RNF126: variants seen among roughly 807,000 people sequenced by gnomAD.
RNF126 encodes the protein ring finger protein 126, also known as E3 ubiquitin-protein ligase RNF126.
A neutral mutation model predicts 41.9 loss-of-function variants in RNF126; 20 were observed. The ratio of observed to expected loss-of-function variants is 0.48; its 90% CI spans 0.34 to 0.69. RNF126 has a LOEUF of 0.69. Ranked by LOEUF, RNF126 falls within the 30% of genes least tolerant of loss-of-function variation. RNF126 has a pLI of 0.01. For missense variants in RNF126, 433 were observed against 460.6 expected (o/e 0.94, Z 0.55); for synonymous variants, 239 against 202.9 (o/e 1.18, Z -1.51).
At chr19:651,543 A>T in intron 4 of RNF126, 68 bp downstream of exon 4, 1 of 1,356,554 alleles carries the variant, frequency 7.4e-7, no homozygotes, top group South Asian at 1.7e-5. Flanking sequence ...CCCGTGCTGG[A>T]TTCTAAGCGC....
chr19:662,121 C>A (rs928777134), intron 1 of RNF126, among the ~76,000 whole-genome samples: 1 of 152,118 alleles, frequency 6.6e-6, no homozygotes, highest in African/African-American at 2.4e-5. Flanking sequence ...GAGTTCAAGA[C>A]CAGCCTGGGC....
Position 648,453 on chromosome 19 carries a change from G to A in RNF126, c.705C>T (p.Asp235=). The change falls in exon 8 of 9, where the codon GAC becomes GAT. Residue 235 remains aspartate (D), a synonymous_variant. Coordinates refer to ENST00000292363, the MANE Select transcript of RNF126 (RefSeq NM_194460.3). ...SGLECPVCKD[D]YALGERVRQL... The stretch of plus-strand genomic sequence containing the variant: ...GCCGCACACGCTCACCCAGCGCGTA[G>A]TCGTCCTTGCACACAGGGCACTCGA... 6.3e-7 allele frequency: 1 copy of A among 1,589,950 alleles called. No homozygotes were observed. The highest frequency in any genetic ancestry group is 8.5e-7 in the Non-Finnish European group (1 of 1,171,414).
rs185230177 is a variant in RNF126 at position 651,548 on chromosome 19, A to C, written c.443+63T>G. The C allele has an allele frequency of 3.4e-5, 47 of 1,362,838 alleles. No individual in the cohort carries two copies. In the South Asian group the frequency reaches 5.6e-4, roughly 16 times the overall value. 84.4% of individuals were successfully genotyped at this position (1,362,838 alleles called of 1,614,324 possible). A position where few individuals can be genotyped will look rare whatever the true frequency, so the allele number is the denominator to read the frequency against. ...TTCCGTGGAACCCGTGCTGGATTCT[A>C]AGCGCCAGAACTTCCGACCTCAAGG... is the stretch of plus-strand genomic sequence containing the variant. On this transcript the variant is annotated intron_variant, in intron 4 of 8. Transcript: ENST00000292363.
Position 651,625 on chromosome 19 carries a change from G to A in RNF126, c.429C>T (p.Val143=). The A allele has an allele frequency of 6.9e-7, 1 of 1,448,236 alleles. No individual in the cohort carries two copies. The allele number at this position is 1,448,236 out of a possible 1,614,324, so 89.7% of individuals were successfully genotyped here. ...GGCCCCCTCACCCTTCCAGCGTGGG[G>A]ACGCCTTCGTGCCGGCCGGTGGCCC... ...TRRATGRHEG[V]PTLEGIIQQL... The change falls in exon 4 of 9, where the codon GTC becomes GTT. Residue 143 remains valine, a synonymous_variant. Coordinates refer to ENST00000292363, the MANE Select transcript of RNF126 (RefSeq NM_194460.3).
intron 3 of RNF126, 59 bp downstream of exon 3, chr19:652,174 C>T (rs191650250): frequency 0.017 from 22,860 of 1,353,940 alleles, 228 homozygotes; most frequent in Non-Finnish European, 0.018. Flanking sequence ...GACAGGCTGG[C>T]GCTCGGGGCC....
At position 650,311 on chromosome 19, in the gene RNF126, G is replaced by A. The variant is rs533179088; in HGVS notation, c.444-15C>T. The A allele has an allele frequency of 2.6e-4, 405 of 1,570,310 alleles. 2 individuals carry two copies. The South Asian group carries it at 4.3e-3, about 17-fold the overall frequency. On this transcript the variant is annotated splice_polypyrimidine_tract_variant and intron_variant, in intron 4 of 8. Coordinates refer to ENST00000292363, the MANE Select transcript of RNF126 (RefSeq NM_194460.3). ...GCTGGATGATCCTGGAAAAGAGAGC[G>A]CCAGTCACGGGGTGAGGCCGCCCCA...
At position 659,465 on chromosome 19, in the gene RNF126, C is replaced by T. The variant is rs553477176; in HGVS notation, c.75+3582G>A. Among the ~76,000 whole-genome samples, 4 of 152,158 alleles carry T rather than the reference C, an allele frequency of 2.6e-5. No individual in the cohort carries two copies. The highest frequency in any genetic ancestry group is 5.9e-5 in the Non-Finnish European group (4 of 67,998). ...CAGGCGTTCGGGGGTGGGGGGTCGG[C>T]AGGCAGAGCTGGAACCACCCTAGGA... On this transcript the variant is annotated intron_variant, in intron 1 of 8. Coordinates refer to ENST00000292363, the MANE Select transcript of RNF126 (RefSeq NM_194460.3). The surrounding 1 kb of genome is among the most constrained non-coding windows in gnomAD (Gnocchi z 4.9).
chr19:663,177 C>A lies in RNF126; in HGVS notation c.-56G>T. On this transcript the variant is annotated 5_prime_UTR_variant, in exon 1 of 9. Coordinates refer to ENST00000292363, the MANE Select transcript of RNF126 (RefSeq NM_194460.3). ...CCCCCGCGCGGCACCCGCCGCCGGC[C>A]GTTTGCTGCTCCCTCGCCGGCCGAC... The A allele has an allele frequency of 7.2e-6, 6 of 834,402 alleles. No individual in the cohort carries two copies. Among genetic ancestry groups the A allele is most frequent in the Non-Finnish European group, 9.2e-6 (6 of 655,424 alleles). The allele number at this position is 834,402 out of a possible 1,614,324, so 51.7% of individuals were successfully genotyped here.
Position 658,703 on chromosome 19 carries a change from G to A in RNF126, c.75+4344C>T, listed in dbSNP as rs139272504. Among the ~76,000 whole-genome samples, 42 of 152,322 alleles carry A rather than the reference G, an allele frequency of 2.8e-4. 1 individual carries two copies. In the East Asian group the frequency reaches 7.1e-3, roughly 26 times the overall value. ...CCAAGACAAGCTGGATGGACGAGGC[G>A]TGAGCGAAGCCACTGCCTCAGCCCA... On this transcript the variant is annotated intron_variant, in intron 1 of 8. Coordinates refer to ENST00000292363, the MANE Select transcript of RNF126 (RefSeq NM_194460.3).
chr19:648,620 C>A (rs1389777144), intron 7 of RNF126, 133 bp from the exon 8 acceptor site: 14 of 742,412 alleles, frequency 1.9e-5, no homozygotes, highest in Non-Finnish European at 2.9e-5. Flanking sequence ...GTGTGTGTCC[C>A]CCGGGCTGCC....
rs1333612140 is a variant in RNF126, at chr19:650,221, C to G, written c.506+13G>C. Reference sequence around the variant, plus strand: ...CAGGCTGGGGATGGGGACAGGCACCCCCACCCACTCACCAGGGGCCCAGGC... The same window carrying G: ...CAGGCTGGGGATGGGGACAGGCACCGCCACCCACTCACCAGGGGCCCAGGC... On this transcript the variant is annotated intron_variant, in intron 5 of 8. Transcript: ENST00000292363. 6.4e-7 allele frequency: 1 copy of G among 1,567,284 alleles called. No homozygotes were observed. The highest frequency in any genetic ancestry group is 8.6e-7 in the Non-Finnish European group (1 of 1,156,102).
chr19:663,183 C>A lies in RNF126; in HGVS notation c.-62G>T, dbSNP rs1449461737. On this transcript the variant is annotated 5_prime_UTR_variant, in exon 1 of 9. Coordinates refer to ENST00000292363, the MANE Select transcript of RNF126 (RefSeq NM_194460.3). ...CGCGGCACCCGCCGCCGGCCGTTTG[C>A]TGCTCCCTCGCCGGCCGACGCGCCC... 2.6e-6 allele frequency: 2 copies of A among 764,814 alleles called. No homozygotes were observed. Among genetic ancestry groups the A allele is most frequent in the Non-Finnish European group, 3.3e-6 (2 of 597,058 alleles). The allele number at this position is 764,814 out of a possible 1,614,324, so 47.4% of individuals were successfully genotyped here. A position where few individuals can be genotyped will look rare whatever the true frequency, so the allele number is the denominator to read the frequency against.
chr19:663,036 C>A lies in RNF126; in HGVS notation c.75+11G>T. The A allele has an allele frequency of 7.4e-7, 1 of 1,353,534 alleles. No homozygotes were observed. The highest frequency in any genetic ancestry group is 9.6e-7 in the Non-Finnish European group (1 of 1,046,396). 83.8% of individuals were successfully genotyped at this position (1,353,534 alleles called of 1,614,324 possible). A position where few individuals can be genotyped will look rare whatever the true frequency, so the allele number is the denominator to read the frequency against. On this transcript the variant is annotated intron_variant, in intron 1 of 8. Coordinates refer to ENST00000292363, the MANE Select transcript of RNF126 (RefSeq NM_194460.3). ...AGACCCTGCCGCCCGCCGCCCCGGC[C>A]CGGGCCTCACCGGCAGGCGCGGGAC...
intron 1 of RNF126, among the ~76,000 whole-genome samples, chr19:655,013 A>G (rs1568192910): frequency 1.5e-5 from 2 of 131,602 alleles, no homozygotes; most frequent in African/African-American, 6.0e-5. Flanking sequence ...AAAGAAAGAA[A>G]GAAAAAAAAG....
In RNF126 at chr19:663,071, G is replaced by C; in HGVS notation, c.51C>G (p.Ser17=). The C allele has an allele frequency of 7.3e-7, 1 of 1,373,572 alleles. No homozygotes were observed. The highest frequency in any genetic ancestry group is 9.5e-7 in the Non-Finnish European group (1 of 1,057,774). 85.1% of individuals were successfully genotyped at this position (1,373,572 alleles called of 1,614,324 possible). The part of the protein sequence containing the change: ...HPGRYFCHCC[S]VEIVPRLPDY... ...CCGGCAGGCGCGGGACGATCTCCAC[G>C]GAGCAGCAGTGGCAGAAGTACCGTC... The change falls in exon 1 of 9, where the codon TCC becomes TCG. Residue 17 remains serine, a synonymous_variant. Transcript: ENST00000292363.
At chr19:657,161 G>A (rs1233913140) in intron 1 of RNF126, among the ~76,000 whole-genome samples, 1 of 152,214 alleles carries the variant, frequency 6.6e-6, no homozygotes, top group Non-Finnish European at 1.5e-5. Context: ...AAGGGCCTGA[G>A]GGAGAAGCTG....
At position 652,687 on chromosome 19, in the gene RNF126, GA is replaced by G. The variant is rs570526763; in HGVS notation, c.134+138del. 581 of 771,440 alleles carry G rather than the reference GA, an allele frequency of 7.5e-4. 4 individuals are homozygous for G. The African/African-American group carries it at 9.1e-3, about 12-fold the overall frequency. The allele number at this position is 771,440 out of a possible 1,614,324, so 47.8% of individuals were successfully genotyped here. On this transcript the variant is annotated intron_variant, in intron 2 of 8. Transcript: ENST00000292363. ...AACGGCACGCTGCTGTCTGCACAGA[GA>G]AAAGTGCTCCCGGAGCCACAGACAC...
rs1171449549 is a variant in RNF126 at position 648,037 on chromosome 19, G to A, written c.*91C>T. The A allele has an allele frequency of 1.4e-5, 19 of 1,387,996 alleles. No individual in the cohort carries two copies. The highest frequency in any genetic ancestry group is 1.9e-4 in the Middle Eastern group (1 of 5,144). 86.0% of individuals were successfully genotyped at this position (1,387,996 alleles called of 1,614,324 possible). A position where few individuals can be genotyped will look rare whatever the true frequency, so the allele number is the denominator to read the frequency against. On this transcript the variant is annotated 3_prime_UTR_variant, in exon 9 of 9. Coordinates refer to ENST00000292363, the MANE Select transcript of RNF126 (RefSeq NM_194460.3). Reference sequence around the variant, plus strand: ...GCAGCGCTGACCAGCCAAGCGTGGCGCCGCCGGGGCACCCAGTCTGTGGGT... The same window carrying A: ...GCAGCGCTGACCAGCCAAGCGTGGCACCGCCGGGGCACCCAGTCTGTGGGT...
At chr19:654,084 G>A (rs565167585) in intron 1 of RNF126, among the ~76,000 whole-genome samples, 6 of 152,234 alleles carry the variant, frequency 3.9e-5, no homozygotes, top group Admixed American at 1.3e-4. Flanking sequence ...GGGGTCTGGC[G>A]TGCAGTGCCC....
Sources: allele counts gnomAD v4.1 joint callset (sites outside exome capture counted in the v4.1 genomes callset), GRCh38; gene constraint gnomAD v4.1.1; non-coding constraint Gnocchi (gnomAD v3.1); transcripts MANE v1.5; gene names NCBI Gene and HGNC (gene_info 2026-07-23, HGNC 2026-07-21).